DOCK4: variants seen among roughly 807,000 people sequenced by gnomAD.
DOCK4 encodes dedicator of cytokinesis protein 4.
In DOCK4, 97 loss-of-function variants were observed where a neutral mutation model predicts 268.1. The observed-to-expected ratio is 0.36, with a 90% CI of 0.31 to 0.43. DOCK4 has a LOEUF of 0.43. DOCK4 is among the 20% of genes least tolerant of loss of function. The probability of loss-of-function intolerance (pLI) is 1.00; values close to 1 mark genes in which losing one functional copy is unlikely to be tolerated. For synonymous variants in DOCK4, 954 were observed against 887.2 expected (o/e 1.08, Z -1.34); for missense variants, 2,145 against 2,455.7 (o/e 0.87, Z 2.67).
At chr7:111,754,070 G>C (rs1238753167) in intron 42 of DOCK4, among the ~76,000 whole-genome samples, 1 of 152,212 alleles carries the variant, frequency 6.6e-6, no homozygotes, top group Non-Finnish European at 1.5e-5. Flanking sequence ...AAGGCTCTCT[G>C]AATCATTAAT....
At chr7:112,060,309 C>A (rs1408270473) in intron 1 of DOCK4, among the ~76,000 whole-genome samples, 1 of 152,070 alleles carries the variant, frequency 6.6e-6, no homozygotes, top group African/African-American at 2.4e-5. Flanking sequence ...CAAAAAAACC[C>A]CAGAAACTAA....
chr7:111,764,966 C>T lies in DOCK4; in HGVS notation c.4020+152G>A, dbSNP rs182735719. ...TCGGAAATTATTTAAACAAGGCATT[C>T]TAGATTAATATAGTGTCTGCAAAGT... On this transcript the variant is annotated intron_variant, in intron 39 of 52. Transcript: ENST00000428084. Among the ~76,000 whole-genome samples, 238 of 150,784 alleles carry T rather than the reference C, an allele frequency of 1.6e-3. 2 individuals are homozygous for T. The highest frequency in any genetic ancestry group is 5.5e-3 in the African/African-American group (226 of 41,030).
chr7:112,048,529 C>T (rs1805049530), intron 1 of DOCK4, among the ~76,000 whole-genome samples: 1 of 151,282 alleles, frequency 6.6e-6, no homozygotes, highest in Non-Finnish European at 1.5e-5. Context: ...AGCCATTGCA[C>T]TCCAGCATGG....
At chr7:111,987,236 C>T (rs965255257) in intron 6 of DOCK4, among the ~76,000 whole-genome samples, 7 of 152,142 alleles carry the variant, frequency 4.6e-5, no homozygotes, top group Admixed American at 1.3e-4. Context: ...CCAGAACTTA[C>T]GTAAGTCAAA....
At chr7:111,835,076 AGG>A in intron 25 of DOCK4, among the ~76,000 whole-genome samples, 1 of 152,306 alleles carries the variant, frequency 6.6e-6, no homozygotes, top group African/African-American at 2.4e-5. Context: ...ACTATGAGGT[AGG>A]GGGTATAATA....
At chr7:111,743,514 C>T (rs577341367) in intron 44 of DOCK4, among the ~76,000 whole-genome samples, 1 of 152,264 alleles carries the variant, frequency 6.6e-6, no homozygotes, top group East Asian at 1.9e-4. Flanking sequence ...GAGGCTACAT[C>T]TGTGATGAGG....
chr7:111,944,365 T>A (rs1795446209), intron 10 of DOCK4, among the ~76,000 whole-genome samples: 1 of 120,670 alleles, frequency 8.3e-6, no homozygotes, highest in African/African-American at 3.5e-5. Context: ...TTTCACAGGC[T>A]TTTTTTTTGT....
chr7:111,869,784 A>G (rs1255317037), intron 20 of DOCK4, 129 bp from the exon 21 acceptor site: 1 of 706,460 alleles, frequency 1.4e-6, no homozygotes, highest in Non-Finnish European at 2.4e-6. Context: ...TTTCCTGTCA[A>G]TCTGCTGTAT....
chr7:111,881,735 C>G (rs1466250883), intron 16 of DOCK4, among the ~76,000 whole-genome samples: 1 of 152,138 alleles, frequency 6.6e-6, no homozygotes, highest in Non-Finnish European at 1.5e-5. Flanking sequence ...CAGTGGAGTA[C>G]TATTCAGCCA....
chr7:111,727,706 A>AAAG lies in DOCK4; in HGVS notation c.*565_*567dup, dbSNP rs1585790941. 1 of 152,320 alleles carries AAAG rather than the reference A, an allele frequency of 6.6e-6. No homozygotes were observed. Among genetic ancestry groups the AAAG allele is most frequent in the African/African-American group, 2.4e-5 (1 of 41,472 alleles). The allele number at this position is 152,320 out of a possible 1,614,324, so 9.4% of individuals were successfully genotyped here. A position where few individuals can be genotyped will look rare whatever the true frequency, so the allele number is the denominator to read the frequency against. On this transcript the variant is annotated 3_prime_UTR_variant, in exon 53 of 53. Coordinates refer to ENST00000428084, the MANE Select transcript of DOCK4 (RefSeq NM_001363540.2). The stretch of plus-strand genomic sequence containing the variant: ...GCAGTCAAACAGCAAAAGCAACCTT[A>AAAG]AAGAAGTATTTTGTTTCAAGAACAA...
At chr7:111,837,117 T>A in intron 25 of DOCK4, among the ~76,000 whole-genome samples, 1 of 149,522 alleles carries the variant, frequency 6.7e-6, no homozygotes, top group Non-Finnish European at 1.5e-5. Context: ...GTAGAGAAAA[T>A]CTTAAAACAC....
rs538687656 is a variant in DOCK4 at position 112,138,739 on chromosome 7, G to A, written c.37+67363C>T. Among the ~76,000 whole-genome samples, 4 of 152,246 alleles carry A rather than the reference G, an allele frequency of 2.6e-5. No individual in the cohort carries two copies. The South Asian group carries it at 8.3e-4, about 32-fold the overall frequency. On this transcript the variant is annotated intron_variant, in intron 1 of 52. Transcript: ENST00000428084. ...CCCAATGTGACAGTTTGGAGATGGG[G>A]CCTCTTTGGTAGGTAATGAGGTTTA... is the stretch of plus-strand genomic sequence containing the variant.
At chr7:111,839,737 G>A (rs928883778) in intron 25 of DOCK4, among the ~76,000 whole-genome samples, 4 of 152,140 alleles carry the variant, frequency 2.6e-5, no homozygotes, top group Non-Finnish European at 4.4e-5. Context: ...AACTCTGTTA[G>A]GAGGCCTAGA....
At chr7:111,993,405 T>A (rs1799688157) in intron 5 of DOCK4, among the ~76,000 whole-genome samples, 1 of 152,214 alleles carries the variant, frequency 6.6e-6, no homozygotes, top group South Asian at 2.1e-4. Flanking sequence ...ACAGTTACAG[T>A]GGGGTTCAGA....
intron 42 of DOCK4, among the ~76,000 whole-genome samples, chr7:111,751,527 C>T (rs1796651329): frequency 1.3e-5 from 2 of 152,114 alleles, no homozygotes; most frequent in South Asian, 4.2e-4. Flanking sequence ...TCACTGCAAC[C>T]TCCACCTTCT....
chr7:111,857,331 C>T (rs1805093823), intron 23 of DOCK4, among the ~76,000 whole-genome samples: 1 of 152,088 alleles, frequency 6.6e-6, no homozygotes, highest in Non-Finnish European at 1.5e-5. Context: ...ATAAAATCCA[C>T]AAAATCCTTA....
chr7:111,803,438 G>A (rs925062598), intron 30 of DOCK4, among the ~76,000 whole-genome samples: 8 of 152,162 alleles, frequency 5.3e-5, no homozygotes, highest in Non-Finnish European at 8.8e-5. Context: ...TTATTTTGAA[G>A]TATTTAGGGC....
intron 36 of DOCK4, among the ~76,000 whole-genome samples, chr7:111,777,789 T>C (rs6964105): frequency 0.054 from 8,214 of 152,084 alleles, 706 homozygotes; most frequent in African/African-American, 0.18. Context: ...CTGATGCTTT[T>C]ATAAGGGAGA....
At chr7:112,123,731 C>T (rs1812959349) in intron 1 of DOCK4, among the ~76,000 whole-genome samples, 1 of 152,210 alleles carries the variant, frequency 6.6e-6, no homozygotes, top group Admixed American at 6.5e-5. Context: ...CAGCCTTGAA[C>T]TATCTTCTGT....
Sources: allele counts gnomAD v4.1 joint callset (sites outside exome capture counted in the v4.1 genomes callset), GRCh38; gene constraint gnomAD v4.1.1; transcripts MANE v1.5; gene names NCBI Gene and HGNC (gene_info 2026-07-23, HGNC 2026-07-21).